CBR1: variants seen among roughly 807,000 people sequenced by gnomAD.
CBR1 encodes carbonyl reductase [NADPH] 1.
A neutral mutation model predicts 10.6 loss-of-function variants in CBR1; 11 were observed. That is an observed-to-expected ratio of 1.03 (90% CI 0.65 to 1.71). The LOEUF is 1.71. Ranked by LOEUF, CBR1 falls within the 40% of genes most tolerant of loss-of-function variation. The pLI is 0.00. For missense variants in CBR1, 361 were observed against 368.6 expected (o/e 0.98, Z 0.17); for synonymous variants, 158 against 156.7 (o/e 1.01, Z -0.06).
At position 36,072,990 on chromosome 21, in the gene CBR1, C is replaced by G. The variant is rs1011029740; in HGVS notation, c.*108C>G. On this transcript the variant is annotated 3_prime_UTR_variant, in exon 3 of 3. Transcript: ENST00000290349. ...ATCCTTATATAAGAAAAAAAATGAT[C>G]TCTTATCAATTAGCACTCACTAATG... 31 of 739,216 alleles carry G rather than the reference C, an allele frequency of 4.2e-5. 1 individual carries two copies. The African/African-American group carries it at 4.8e-4, about 11-fold the overall frequency. The allele number at this position is 739,216 out of a possible 1,614,324, so 45.8% of individuals were successfully genotyped here. A position where few individuals can be genotyped will look rare whatever the true frequency, so the allele number is the denominator to read the frequency against.
intron 1 of CBR1, 71 bp from the exon 2 acceptor site, chr21:36,070,879 T>TTAGTATCATTGTATAGAA: frequency 1.1e-6 from 1 of 903,904 alleles, no homozygotes; most frequent in Non-Finnish European, 1.7e-6. Flanking sequence ...TTTTTTTTTT[T>TTAGTATCATTGTATAGAA]TAGTATCATT....
chr21:36,072,380 T>C (rs751827580), intron 2 of CBR1, 66 bp from the exon 3 acceptor site: 2 of 1,613,512 alleles, frequency 1.2e-6, no homozygotes, highest in Admixed American at 1.7e-5. Flanking sequence ...CCCTGCAAAT[T>C]TGGCATTCAC....
Sources: gnomAD v4.1 joint callset for allele counts on GRCh38, gnomAD v4.1.1 for gene constraint, MANE v1.5 for transcripts, NCBI Gene and HGNC (gene_info 2026-07-23, HGNC 2026-07-21) for gene names.